Variants in NSMAF observed in about 807,000 individuals in gnomAD.
NSMAF encodes neutral sphingomyelinase activation associated factor, also known as protein FAN.
Under a neutral mutation model 134.9 loss-of-function variants are expected in NSMAF, and 90 were observed. That is an observed-to-expected ratio of 0.67 (90% CI 0.56 to 0.79). The LOEUF (loss-of-function observed/expected upper bound fraction) is 0.79, where lower values mean the gene tolerates loss of function less well. NSMAF is among the 30% of genes least tolerant of loss of function. NSMAF has a pLI of 0.00. For synonymous variants in NSMAF, 358 were observed against 389.6 expected, an observed-to-expected ratio of 0.92 and a Z score of 0.96; for missense variants, 1,010 against 1,119.0, an observed-to-expected ratio of 0.90 and a Z score of 1.39.
chr8:58,600,513 C>T (rs2129140964), intron 16 of NSMAF, among the ~76,000 whole-genome samples: 1 of 150,802 alleles, frequency 6.6e-6, no homozygotes, highest in South Asian at 2.1e-4. Flanking sequence ...GTCCCAGCTA[C>T]TCAGGAGACT....
rs57883071 is a variant in NSMAF, at chr8:58,655,096, C to G, written c.59+4477G>C. Among the ~76,000 whole-genome samples, 60 of 152,218 alleles carry G rather than the reference C, an allele frequency of 3.9e-4. 1 individual carries two copies. In the East Asian group the frequency reaches 0.012, roughly 29 times the overall value. On this transcript the variant is annotated intron_variant, in intron 1 of 30. Transcript: ENST00000038176. ...TCAAGTGATCCACCCACCTTGGCCT[C>G]CCAAAGTTCTGGGACTACAGGCATG...
At chr8:58,643,937 T>A (rs1192965536) in intron 1 of NSMAF, among the ~76,000 whole-genome samples, 1 of 152,238 alleles carries the variant, frequency 6.6e-6, no homozygotes, top group African/African-American at 2.4e-5. Flanking sequence ...GAAATATAGT[T>A]CTTTTTAAAG....
At chr8:58,619,848 GA>G (rs937802533) in intron 9 of NSMAF, among the ~76,000 whole-genome samples, 1 of 152,118 alleles carries the variant, frequency 6.6e-6, no homozygotes, top group Non-Finnish European at 1.5e-5. Context: ...TGCTTTTATG[GA>G]AATTGACAAG....
intron 1 of NSMAF, among the ~76,000 whole-genome samples, chr8:58,649,251 T>C (rs998101056): frequency 2.0e-5 from 3 of 152,238 alleles, no homozygotes; most frequent in Admixed American, 6.5e-5. Flanking sequence ...TACTGCCCCT[T>C]TCTTTTGGCA....
At chr8:58,637,331 G>A (rs1444560340) in intron 2 of NSMAF, 1 of 456,050 alleles carries the variant, frequency 2.2e-6, no homozygotes, top group Non-Finnish European at 4.4e-6. Flanking sequence ...CCTTTCAGTG[G>A]GAAGTGGTAT....
chr8:58,607,585 AAG>A (rs1563530359), intron 11 of NSMAF, among the ~76,000 whole-genome samples, 182 bp downstream of exon 11: 1 of 152,242 alleles, frequency 6.6e-6, no homozygotes, highest in Non-Finnish European at 1.5e-5. Flanking sequence ...CTCTACATGA[AAG>A]AGTTATTCCT....
rs760684840 is a variant in NSMAF, at chr8:58,589,503, G to T, written c.2160C>A (p.Ile720=). 19 of 1,567,410 alleles carry T rather than the reference G, an allele frequency of 1.2e-5. No individual in the cohort carries two copies. The highest frequency in any genetic ancestry group is 1.6e-5 in the Non-Finnish European group (19 of 1,164,704). ...AATATAGCCTGTTGTCATGCCAACA[G>T]ATCTTACTAACAGCATCATCATGTC... is the stretch of plus-strand genomic sequence containing the variant. ...LMGHDDAVSK[I]CWHDNRLYSA... is the part of the protein sequence containing the mutation. Residue 720 remains isoleucine (I), a synonymous_variant, in exon 26 of 31, where the codon ATC becomes ATA. Transcript: ENST00000038176.
intron 6 of NSMAF, among the ~76,000 whole-genome samples, chr8:58,626,751 T>C (rs1485590562): frequency 1.3e-5 from 2 of 152,224 alleles, no homozygotes; most frequent in Non-Finnish European, 2.9e-5. Context: ...GATTGAAAGG[T>C]AGTTCTACTT....
At position 58,631,542 on chromosome 8, in the gene NSMAF, T is replaced by C. The variant is rs1324893296; in HGVS notation, c.338A>G (p.Tyr113Cys). 7 of 1,490,372 alleles carry C rather than the reference T, an allele frequency of 4.7e-6. No individual in the cohort carries two copies. The East Asian group carries it at 9.6e-5, about 20-fold the overall frequency. 92.3% of individuals were successfully genotyped at this position (1,490,372 alleles called of 1,614,324 possible). Residue 113 changes from tyrosine (Y) to cysteine (C), a missense_variant, in exon 6 of 31, where the codon TAT becomes TGT. Physicochemically the swap from Tyr to Cys is radical, Grantham distance 194 (BLOSUM62 -2). Coordinates refer to ENST00000038176, the MANE Select transcript of NSMAF (RefSeq NM_003580.4). ...GGISLIFSQV[Y>C]FIKEHNVVAP... The stretch of plus-strand genomic sequence containing the variant: ...AACAACATTATGTTCTTTAATGAAA[T>C]ATACCTGAGCAAGAAAAAGCAATAC...
At position 58,635,530 on chromosome 8, in the gene NSMAF, A is replaced by G; in HGVS notation, c.166T>C (p.Leu56=). 6.2e-7 allele frequency: 1 copy of G among 1,601,498 alleles called. No homozygotes were observed. Among genetic ancestry groups the G allele is most frequent in the Middle Eastern group, 1.7e-4 (1 of 5,940 alleles). The part of the protein sequence containing the change: ...SHHERKIRGS[L]KICSKSVIFE... Reference sequence around the variant, plus strand: ...ATCACCGATTTTGAACATATTTTTAAGGAGCCTCTGATTTTCCTAGGGATC... The same window carrying G: ...ATCACCGATTTTGAACATATTTTTAGGGAGCCTCTGATTTTCCTAGGGATC... Residue 56 remains leucine, a synonymous_variant, in exon 3 of 31, where the codon TTA becomes CTA. Transcript: ENST00000038176.
intron 21 of NSMAF, among the ~76,000 whole-genome samples, chr8:58,596,265 A>T (rs1412384606): frequency 6.6e-6 from 1 of 152,230 alleles, no homozygotes; most frequent in South Asian, 2.1e-4. Context: ...CCCCTGGGTC[A>T]TGTAACTCCA....
At chr8:58,603,450 G>A (rs1778634422) in intron 12 of NSMAF, 64 bp from the exon 13 acceptor site, 13 of 1,509,278 alleles carry the variant, frequency 8.6e-6, no homozygotes, top group Non-Finnish European at 1.2e-5. Flanking sequence ...CAAAAGCTAG[G>A]GGCTTAACGT....
intron 9 of NSMAF, among the ~76,000 whole-genome samples, chr8:58,610,713 T>C (rs1806509657): frequency 6.6e-6 from 1 of 151,842 alleles, no homozygotes; most frequent in Non-Finnish European, 1.5e-5. Flanking sequence ...AAAGCCAGAG[T>C]TGAGACTGGA....
At position 58,586,013 on chromosome 8, in the gene NSMAF, G is replaced by A. The variant is rs1247723502; in HGVS notation, c.2447-13C>T. 6.3e-7 allele frequency: 1 copy of A among 1,588,056 alleles called. No homozygotes were observed. The highest frequency in any genetic ancestry group is 1.7e-4 in the Middle Eastern group (1 of 5,996). On this transcript the variant is annotated splice_polypyrimidine_tract_variant and intron_variant, in intron 28 of 30. Coordinates refer to ENST00000038176, the MANE Select transcript of NSMAF (RefSeq NM_003580.4). The stretch of plus-strand genomic sequence containing the variant: ...ACATGGCGACTATCTGCAACACAAG[G>A]TGAGACTCAGATATGAGTGACAGCT...
chr8:58,585,504 C>A, intron 30 of NSMAF, 148 bp downstream of exon 30: 1 of 610,970 alleles, frequency 1.6e-6, no homozygotes, highest in Non-Finnish European at 2.9e-6. Context: ...GATCACCTGG[C>A]CAATCAAGAG....
In NSMAF at chr8:58,642,987, T is replaced by A. The variant is rs1807369989; in HGVS notation, c.146A>T (p.Glu49Val). The change falls in exon 2 of 31, where the codon GAA (glutamate) becomes GTA (valine). Residue 49 changes from glutamate to valine, a missense_variant. Glu to Val is a moderately radical substitution (Grantham distance 121). Coordinates refer to ENST00000038176, the MANE Select transcript of NSMAF (RefSeq NM_003580.4). ...GGAGATACCGAAGCTTCCTTACCTT[T>A]CATGGTGACTGCCCTTGTGCAAAAT... ...NHILHKGSHH[E>V]RKIRGSLKIC... 4 of 1,611,174 alleles carry A rather than the reference T, an allele frequency of 2.5e-6. No individual in the cohort carries two copies.
chr8:58,640,193 T>C, intron 2 of NSMAF: 1 of 381,206 alleles, frequency 2.6e-6, no homozygotes, highest in South Asian at 1.9e-5. Flanking sequence ...ATGTTCTTAT[T>C]CCCACACACA....
At position 58,587,643 on chromosome 8, in the gene NSMAF, A is replaced by C; in HGVS notation, c.2270T>G (p.Leu757Arg). 2 of 1,614,212 alleles carry C rather than the reference A, an allele frequency of 1.2e-6. No individual in the cohort carries two copies. Among genetic ancestry groups the C allele is most frequent in the Non-Finnish European group, 1.7e-6 (2 of 1,180,020 alleles). ...PGTKRHHFDL[L>R]AELEHDVSVD... Reference sequence around the variant, plus strand: ...ACTGACATCATGTTCCAGCTCGGCCAGCAAGTCAAAGTGGTGTCTTTTGGT... The same window carrying C: ...ACTGACATCATGTTCCAGCTCGGCCCGCAAGTCAAAGTGGTGTCTTTTGGT... Residue 757 changes from leucine (L) to arginine (R), a missense_variant, in exon 27 of 31, where the codon CTG becomes CGG. Transcript: ENST00000038176.
chr8:58,631,347 C>T lies in NSMAF; in HGVS notation c.384+149G>A, dbSNP rs73250362. On this transcript the variant is annotated intron_variant, in intron 6 of 30. Coordinates refer to ENST00000038176, the MANE Select transcript of NSMAF (RefSeq NM_003580.4). ...CTCTTGAAATAAAATCTGTGGCTCC[C>T]TTGGGTAATTTTGTTATAACTTCCA... The T allele has an allele frequency of 8.4e-4, 357 of 424,886 alleles. 2 individuals are homozygous for T. Among genetic ancestry groups the T allele is most frequent in the African/African-American group, 7.0e-3 (334 of 47,938 alleles). 26.3% of individuals were successfully genotyped at this position (424,886 alleles called of 1,614,324 possible). A position where few individuals can be genotyped will look rare whatever the true frequency, so the allele number is the denominator to read the frequency against.
Sources: gnomAD v4.1 joint callset for allele counts (sites outside exome capture counted in the v4.1 genomes callset) on GRCh38, gnomAD v4.1.1 for gene constraint, MANE v1.5 for transcripts, NCBI Gene and HGNC (gene_info 2026-07-23, HGNC 2026-07-21) for gene names.